BAZ2A: variants seen among roughly 807,000 people sequenced by gnomAD.
The protein encoded by BAZ2A is bromodomain adjacent to zinc finger domain 2A.
A neutral mutation model predicts 199.9 loss-of-function variants in BAZ2A; 34 were observed. The ratio of observed to expected loss-of-function variants is 0.17; its 90% CI spans 0.13 to 0.23. The LOEUF is 0.23. Ranked by LOEUF, BAZ2A falls within the 10% of genes least tolerant of loss-of-function variation. The probability of loss-of-function intolerance (pLI) is 1.00; values close to 1 mark genes in which losing one functional copy is unlikely to be tolerated. For missense variants in BAZ2A, 2,002 were observed against 2,391.1 expected (o/e 0.84, Z 3.39); for synonymous variants, 857 against 883.9 (o/e 0.97, Z 0.54).
Position 56,635,643 on chromosome 12 carries a change from G to T in BAZ2A, c.4+539C>A, listed in dbSNP as rs548313314. 3.3e-5 allele frequency among the ~76,000 whole-genome samples: 5 copies of T among 152,278 alleles called. No individual in the cohort carries two copies. In the South Asian group the frequency reaches 8.3e-4, roughly 25 times the overall value. On this transcript the variant is annotated intron_variant, in intron 1 of 29. Coordinates refer to the BAZ2A transcript ENST00000379441. The surrounding 1 kb of genome is among the most constrained non-coding windows in gnomAD (Gnocchi z 4.1). ...TGTGGGACCATGAGAATCGACTTTG[G>T]TTCAGTTTTCCCCCAACCACCACCA...
chr12:56,606,609 T>C, intron 11 of BAZ2A, 24 bp downstream of exon 11: 1 of 1,596,104 alleles, frequency 6.3e-7, no homozygotes, highest in Non-Finnish European at 8.6e-7. Flanking sequence ...TAACCTACTG[T>C]TTCATCTCTC....
At chr12:56,616,525 T>A (rs1052456267) in intron 2 of BAZ2A, among the ~76,000 whole-genome samples, 1 of 151,550 alleles carries the variant, frequency 6.6e-6, no homozygotes, top group African/African-American at 2.4e-5. Context: ...GCTGGCGGGG[T>A]AGGGGGGGCA....
chr12:56,598,369 CT>C lies in BAZ2A; in HGVS notation c.*248del, dbSNP rs1886047500. ...AACAGAAAAGAAAAATTATTTTTTTCTTTCTTTTTTTGGCTTTTAGTCCAGA... is the reference window on the plus strand; with the variant it reads ...AACAGAAAAGAAAAATTATTTTTTTCTTCTTTTTTTGGCTTTTAGTCCAGA... On this transcript the variant is annotated 3_prime_UTR_variant, in exon 29 of 29. Coordinates refer to ENST00000549884, the MANE Select transcript of BAZ2A (RefSeq NM_001300905.2). 2 of 409,220 alleles carry C rather than the reference CT, an allele frequency of 4.9e-6. No homozygotes were observed. The highest frequency in any genetic ancestry group is 8.6e-6 in the Non-Finnish European group (2 of 232,874). The allele number at this position is 409,220 out of a possible 1,614,324, so 25.3% of individuals were successfully genotyped here.
In BAZ2A at chr12:56,610,400, C is replaced by G; in HGVS notation, c.1779+9G>C. The G allele has an allele frequency of 6.2e-7, 1 of 1,612,906 alleles. No homozygotes were observed. Among genetic ancestry groups the G allele is most frequent in the South Asian group, 1.1e-5 (1 of 90,958 alleles). On this transcript the variant is annotated intron_variant, in intron 8 of 28. Coordinates refer to ENST00000549884, the MANE Select transcript of BAZ2A (RefSeq NM_001300905.2). ...CAAGAAAGCAGTCCTTTAAAAAAAGCTACATTACCTTGATCACTTCTGGAA... is the reference window on the plus strand; with the variant it reads ...CAAGAAAGCAGTCCTTTAAAAAAAGGTACATTACCTTGATCACTTCTGGAA...
intron 19 of BAZ2A, 30 bp from the exon 20 acceptor site, chr12:56,602,222 A>G: frequency 6.6e-7 from 1 of 1,515,394 alleles, no homozygotes; most frequent in South Asian, 1.2e-5. Context: ...GTTAAGCCAT[A>G]TGCTGACATA....
At chr12:56,607,467 G>T (rs962514509) in intron 10 of BAZ2A, among the ~76,000 whole-genome samples, 1 of 152,158 alleles carries the variant, frequency 6.6e-6, no homozygotes, top group Non-Finnish European at 1.5e-5. Context: ...CACCTCCCAG[G>T]TTCAAGCGAT....
At chr12:56,630,360 C>A, upstream of BAZ2A, 1 of 822,158 alleles carries the variant, frequency 1.2e-6, no homozygotes, top group Non-Finnish European at 1.5e-6. Context: ...GAAGCCTCGG[C>A]CGGGAGAGAG....
rs1220964699 is a variant in BAZ2A at position 56,605,836 on chromosome 12, G to A, written c.2487C>T (p.Asp829=). Reference sequence around the variant, plus strand: ...GTTACTCTCTCCTCACTACCTGGTGGTCAGTCAGACACATATCCTCTGTCG... The same window carrying A: ...GTTACTCTCTCCTCACTACCTGGTGATCAGTCAGACACATATCCTCTGTCG... ...KKPTEDMCLT[D]HQPLPDFSRV... is the part of the protein sequence containing the mutation. The change falls in exon 13 of 29, where the codon GAC becomes GAT. Residue 829 remains aspartate, a synonymous_variant. Transcript: ENST00000549884. 6.2e-7 allele frequency: 1 copy of A among 1,608,636 alleles called. No homozygotes were observed. The highest frequency in any genetic ancestry group is 1.3e-5 in the African/African-American group (1 of 74,524).
chr12:56,638,150 G>A, upstream of BAZ2A: 1 of 595,614 alleles, frequency 1.7e-6, no homozygotes, highest in East Asian at 2.8e-5. Flanking sequence ...TGACTATGTT[G>A]TCAGAACCAA....
chr12:56,607,607 A>G (rs1205286556), intron 10 of BAZ2A, among the ~76,000 whole-genome samples: 1 of 152,104 alleles, frequency 6.6e-6, no homozygotes, highest in Non-Finnish European at 1.5e-5. Context: ...GCCTGACCTC[A>G]TGATCCGCTG....
chr12:56,605,722 TC>T, intron 13 of BAZ2A, 107 bp downstream of exon 13: 1 of 1,245,370 alleles, frequency 8.0e-7, no homozygotes, highest in Non-Finnish European at 1.1e-6. Context: ...CACCCGGCCT[TC>T]CTTTAATCTT....
chr12:56,637,736 CAAG>C (rs1437217037), upstream of BAZ2A, among the ~76,000 whole-genome samples: 1 of 147,614 alleles, frequency 6.8e-6, no homozygotes, highest in Non-Finnish European at 1.5e-5. Context: ...TATTTTTAAC[CAAG>C]AAGTAGGGAT....
intron 1 of BAZ2A, among the ~76,000 whole-genome samples, chr12:56,626,947 T>C (rs992860269): frequency 6.6e-6 from 1 of 152,210 alleles, no homozygotes; most frequent in African/African-American, 2.4e-5. Context: ...ATGGACTTGT[T>C]TTTACTGTTT....
At chr12:56,602,389 A>G (rs1349720617) in intron 19 of BAZ2A, among the ~76,000 whole-genome samples, 197 bp from the exon 20 acceptor site, 1 of 152,250 alleles carries the variant, frequency 6.6e-6, no homozygotes, top group Non-Finnish European at 1.5e-5. Context: ...AATCAGCAGC[A>G]GCAGCACAAT....
rs1951441342 is a variant in BAZ2A, at chr12:56,636,051, C to T, written c.4+131G>A. ...CTCGCTAGCTGAGCCCTGTGCCCCCCGTCCCCCAGAGTCCTGTTTCCTCTC... is the reference window on the plus strand; with the variant it reads ...CTCGCTAGCTGAGCCCTGTGCCCCCTGTCCCCCAGAGTCCTGTTTCCTCTC... On this transcript the variant is annotated intron_variant, in intron 1 of 29. Coordinates refer to the BAZ2A transcript ENST00000379441. 3 of 1,153,858 alleles carry T rather than the reference C, an allele frequency of 2.6e-6. No individual in the cohort carries two copies. The South Asian group carries it at 4.3e-5, about 17-fold the overall frequency. 71.5% of individuals were successfully genotyped at this position (1,153,858 alleles called of 1,614,324 possible).
At position 56,630,300 on chromosome 12, in the gene BAZ2A, A is replaced by G. The variant is rs1951269116; in HGVS notation, c.-178T>C. 2 of 984,744 alleles carry G rather than the reference A, an allele frequency of 2.0e-6. No individual in the cohort carries two copies. The highest frequency in any genetic ancestry group is 2.4e-6 in the Non-Finnish European group (2 of 829,316). The allele number at this position is 984,744 out of a possible 1,614,324, so 61.0% of individuals were successfully genotyped here. ...CGGCTCAACCGCGGGGCCCGAGAGG[A>G]GCCAACATGGCCGGCGGGGGAGGAG... On this transcript the variant is annotated 5_prime_UTR_variant, in exon 1 of 29. Coordinates refer to ENST00000549884, the MANE Select transcript of BAZ2A (RefSeq NM_001300905.2).
In BAZ2A at chr12:56,606,188, C is replaced by T. The variant is rs73335265; in HGVS notation, c.2259+59G>A. 13,416 of 1,608,970 alleles carry T rather than the reference C, an allele frequency of 8.3e-3. 910 individuals carry two copies. The African/African-American group carries it at 0.15, about 18-fold the overall frequency. ...ATAAAACAAGACTGATGTACATGTCCTGCAAAATCAGTTTAGTGGCTTCGA... is the reference window on the plus strand; with the variant it reads ...ATAAAACAAGACTGATGTACATGTCTTGCAAAATCAGTTTAGTGGCTTCGA... On this transcript the variant is annotated intron_variant, in intron 12 of 28. Coordinates refer to ENST00000549884, the MANE Select transcript of BAZ2A (RefSeq NM_001300905.2).
exon 1 of BAZ2A, chr12:56,636,242 T>A: frequency 6.4e-7 from 1 of 1,571,216 alleles, no homozygotes; most frequent in South Asian, 1.2e-5. Context: ...TCCTTGGGCC[T>A]CCACTTCACG....
chr12:56,617,688 AG>A (rs1461755961), intron 1 of BAZ2A, among the ~76,000 whole-genome samples, 156 bp from the exon 2 acceptor site: 1 of 152,172 alleles, frequency 6.6e-6, no homozygotes, highest in Non-Finnish European at 1.5e-5. Flanking sequence ...AGAAAAGAGA[AG>A]GAGAAAATAT....
Sources: allele counts gnomAD v4.1 joint callset (sites outside exome capture counted in the v4.1 genomes callset), GRCh38; gene constraint gnomAD v4.1.1; non-coding constraint Gnocchi (gnomAD v3.1); transcripts MANE v1.5; gene names NCBI Gene and HGNC (gene_info 2026-07-23, HGNC 2026-07-21).